INPP5A: variants seen among roughly 807,000 people sequenced by gnomAD.
INPP5A encodes inositol polyphosphate-5-phosphatase A.
INPP5A carries 14 observed loss-of-function variants against 65.2 expected under a neutral mutation model. That is an observed-to-expected ratio of 0.21 (90% confidence interval 0.14 to 0.34). INPP5A has a LOEUF of 0.34. INPP5A is among the 10% of genes least tolerant of loss of function. INPP5A has a pLI of 1.00. For synonymous variants in INPP5A, 207 were observed against 208.3 expected, an observed-to-expected ratio of 0.99 and a Z score of 0.05; for missense variants, 431 against 545.6, an observed-to-expected ratio of 0.79 and a Z score of 2.09.
At chr10:132,696,604 A>T (rs1169011096) in intron 5 of INPP5A, among the ~76,000 whole-genome samples, 2 of 152,202 alleles carry the variant, frequency 1.3e-5, no homozygotes. Context: ...ACTCTGTGAC[A>T]CTCTGGAAAA....
intron 11 of INPP5A, among the ~76,000 whole-genome samples, chr10:132,765,162 T>C (rs578104410): frequency 2.6e-4 from 40 of 151,910 alleles, no homozygotes; most frequent in African/African-American, 8.7e-4. Flanking sequence ...GTGTGTGTGG[T>C]GACCGCTCAG....
At chr10:132,586,406 C>T (rs920557478) in intron 1 of INPP5A, among the ~76,000 whole-genome samples, 3 of 152,210 alleles carry the variant, frequency 2.0e-5, no homozygotes, top group East Asian at 1.9e-4. Flanking sequence ...CTCACAGCTC[C>T]GTGGCGACCT....
rs563165403 is a variant in INPP5A at position 132,597,058 on chromosome 10, C to T, written c.76-10857C>T. Among the ~76,000 whole-genome samples, 20 of 148,024 alleles carry T rather than the reference C, an allele frequency of 1.4e-4. No individual in the cohort carries two copies. The East Asian group carries it at 2.8e-3, about 21-fold the overall frequency. ...ATGTGTATGCATGCATGTGTGTGTG[C>T]AGGCTCCTGTACGTGTGTGCGTGTG... On this transcript the variant is annotated intron_variant, in intron 1 of 15. Transcript: ENST00000368594.
intron 1 of INPP5A, among the ~76,000 whole-genome samples, chr10:132,548,047 G>T (rs1434935983): frequency 6.6e-6 from 1 of 152,064 alleles, no homozygotes; most frequent in East Asian, 1.9e-4. Flanking sequence ...TTACAGGCGT[G>T]CACCACCACA....
intron 4 of INPP5A, among the ~76,000 whole-genome samples, chr10:132,687,950 C>T (rs1362864187): frequency 2.0e-5 from 3 of 152,226 alleles, no homozygotes; most frequent in Non-Finnish European, 4.4e-5. Flanking sequence ...TGTGTTCTGT[C>T]AGAGGGCAGC....
chr10:132,595,915 C>T (rs1331633816), intron 1 of INPP5A, among the ~76,000 whole-genome samples: 1 of 151,440 alleles, frequency 6.6e-6, no homozygotes, highest in Non-Finnish European at 1.5e-5. Flanking sequence ...TAACATTTCC[C>T]ATATTTTCAT....
intron 1 of INPP5A, among the ~76,000 whole-genome samples, chr10:132,594,782 A>C (rs1402311571): frequency 6.6e-6 from 1 of 152,122 alleles, no homozygotes; most frequent in Admixed American, 6.5e-5. Context: ...TCTGCCCCAC[A>C]GCTGCCTGCC....
intron 1 of INPP5A, among the ~76,000 whole-genome samples, chr10:132,557,666 C>A (rs776563785): frequency 6.6e-5 from 10 of 152,178 alleles, no homozygotes; most frequent in Non-Finnish European, 1.0e-4. Context: ...TAGGGTGTAA[C>A]CACAGGTTGT....
chr10:132,683,797 C>T (rs1269473430), intron 4 of INPP5A, among the ~76,000 whole-genome samples: 2 of 152,214 alleles, frequency 1.3e-5, no homozygotes, highest in African/African-American at 2.4e-5. Flanking sequence ...TCACTGCGAC[C>T]TCTGCCTCCC....
chr10:132,723,602 T>TGGCCC (rs1564984494), intron 8 of INPP5A, among the ~76,000 whole-genome samples: 1 of 58,154 alleles, frequency 1.7e-5, no homozygotes, highest in Admixed American at 1.4e-4. Flanking sequence ...GGGATTGGTT[T>TGGCCC]TGTGGGGATT....
intron 6 of INPP5A, among the ~76,000 whole-genome samples, chr10:132,703,505 C>CCACACA (rs111386654): frequency 1.4e-5 from 2 of 139,612 alleles, no homozygotes; most frequent in African/African-American, 2.7e-5. Flanking sequence ...GTGTCTTCAC[C>CCACACA]CACACACACA....
rs1168027200 is a variant in INPP5A, at chr10:132,678,084, C to T, written c.307-12308C>T. The stretch of plus-strand genomic sequence containing the variant: ...AGACAGGGGGACACCTTGGTGCCGT[C>T]ATCCCGTTTGGCCCCAGGAGCTGAA... On this transcript the variant is annotated intron_variant, in intron 4 of 15. Transcript: ENST00000368594. The surrounding 1 kb of genome is among the most constrained non-coding windows in gnomAD (Gnocchi z 4.1). Among the ~76,000 whole-genome samples, 3 of 152,214 alleles carry T rather than the reference C, an allele frequency of 2.0e-5. No homozygotes were observed. The highest frequency in any genetic ancestry group is 4.4e-5 in the Non-Finnish European group (3 of 68,038).
intron 1 of INPP5A, among the ~76,000 whole-genome samples, chr10:132,582,048 C>T (rs1245487282): frequency 2.0e-5 from 3 of 152,054 alleles, no homozygotes; most frequent in Non-Finnish European, 4.4e-5. Flanking sequence ...ACCATGTTGG[C>T]CAGGATGGTT....
intron 8 of INPP5A, among the ~76,000 whole-genome samples, chr10:132,720,417 T>C (rs1845847380): frequency 7.1e-6 from 1 of 141,600 alleles, no homozygotes; most frequent in African/African-American, 3.0e-5. Context: ...GGTTCTGTGG[T>C]ACCTGGGTTC....
At chr10:132,775,188 G>GAGGGGCAGGGAGGAGAGGCAGGGA (rs1847040258) in intron 12 of INPP5A, among the ~76,000 whole-genome samples, 2 of 1,750 alleles carry the variant, frequency 1.1e-3, no homozygotes, top group African/African-American at 2.3e-3. Flanking sequence ...CAGGGAGAGA[G>GAGGGGCAGGGAGGAGAGGCAGGGA]GGAGGGGCAG....
rs570489543 is a variant in INPP5A, at chr10:132,675,721, A to C, written c.307-14671A>C. On this transcript the variant is annotated intron_variant, in intron 4 of 15. Transcript: ENST00000368594. The surrounding 1 kb of genome is among the most constrained non-coding windows in gnomAD (Gnocchi z 4.2). ...ATTTCTGGGGACCGGGAACTAAGGT[A>C]AATTATTTGAAACAGAAGTAGATGG... Among the ~76,000 whole-genome samples, 1 of 152,228 alleles carries C rather than the reference A, an allele frequency of 6.6e-6. No individual in the cohort carries two copies. Among genetic ancestry groups the C allele is most frequent in the Non-Finnish European group, 1.5e-5 (1 of 68,040 alleles).
intron 3 of INPP5A, among the ~76,000 whole-genome samples, chr10:132,649,953 G>A (rs566358138): frequency 1.3e-5 from 2 of 152,278 alleles, no homozygotes; most frequent in Non-Finnish European, 2.9e-5. Context: ...CACCATTCTC[G>A]CTGCCACTTC....
At chr10:132,718,079 T>C (rs1302024173) in intron 8 of INPP5A, among the ~76,000 whole-genome samples, 1 of 150,662 alleles carries the variant, frequency 6.6e-6, no homozygotes, top group African/African-American at 2.5e-5. Flanking sequence ...GGGTTCTGTC[T>C]GGGTGCCTTA....
rs1845612389 is a variant in INPP5A at position 132,710,324 on chromosome 10, C to T, written c.528-13C>T. 1.2e-6 allele frequency: 2 copies of T among 1,613,518 alleles called. No homozygotes were observed. The highest frequency in any genetic ancestry group is 3.3e-5 in the Admixed American group (2 of 59,960). ...GGCCCTTGGTGACGTGTCCTTTTCTCTTTTGGTTGCAGTGCCTTTGACTTG... is the reference window on the plus strand; with the variant it reads ...GGCCCTTGGTGACGTGTCCTTTTCTTTTTTGGTTGCAGTGCCTTTGACTTG... On this transcript the variant is annotated splice_polypyrimidine_tract_variant and intron_variant, in intron 7 of 15. Coordinates refer to ENST00000368594, the MANE Select transcript of INPP5A (RefSeq NM_005539.5).
Sources: gnomAD v4.1 joint callset for allele counts (sites outside exome capture counted in the v4.1 genomes callset) on GRCh38, gnomAD v4.1.1 for gene constraint, Gnocchi (gnomAD v3.1) non-coding constraint, MANE v1.5 for transcripts, NCBI Gene and HGNC (gene_info 2026-07-23, HGNC 2026-07-21) for gene names.